The following UPF3B variants were observed in gnomAD, a reference collection of about 807,000 sequenced individuals.
UPF3B encodes UPF3B regulator of nonsense mediated mRNA decay, also known as regulator of nonsense transcripts 3B.
A neutral mutation model predicts 40.3 loss-of-function variants in UPF3B; 7 were observed. The ratio of observed to expected loss-of-function variants is 0.17; its 90% CI spans 0.10 to 0.33. The LOEUF (loss-of-function observed/expected upper bound fraction) is 0.33, where lower values mean the gene tolerates loss of function less well. Ranked by LOEUF, UPF3B falls within the 10% of genes least tolerant of loss-of-function variation. UPF3B has a pLI of 1.00. For missense variants in UPF3B, 229 were observed against 358.9 expected (o/e 0.64, Z 2.93); for synonymous variants, 117 against 117.3 (o/e 1.00, Z 0.01).
At chrX:119,827,444 AT>A in intron 3 of UPF3B, among the ~76,000 whole-genome samples, 1 of 71,632 alleles carries the variant, frequency 1.4e-5, no homozygotes, top group Non-Finnish European at 2.4e-5. Flanking sequence ...CCATATATAT[AT>A]ATTTTCGAGA....
Position 119,852,779 on chromosome X carries a change from C to G in UPF3B, c.150G>C (p.Leu50=). Residue 50 remains leucine (L), a synonymous_variant, in exon 1 of 11, where the codon CTG becomes CTC. Coordinates refer to ENST00000276201, the MANE Select transcript of UPF3B (RefSeq NM_080632.3). ...CCAGCGGCCGACCGGGCACCTTGCTCAGCGCTTCTTTCTTCTCCTTGTTGC... is the reference window on the plus strand; with the variant it reads ...CCAGCGGCCGACCGGGCACCTTGCTGAGCGCTTCTTTCTTCTCCTTGTTGC... ...QDRNKEKKEA[L]SKVVIRRLPP... is the part of the protein sequence containing the mutation. The G allele has an allele frequency of 8.2e-7, 1 of 1,212,533 alleles. No individual in the cohort carries two copies. Among genetic ancestry groups the G allele is most frequent in the Non-Finnish European group, 1.1e-6 (1 of 895,712 alleles).
chrX:119,811,545 C>T (rs183158936), intron 5 of UPF3B, among the ~76,000 whole-genome samples: 302 of 108,124 alleles, frequency 2.8e-3, no homozygotes, highest in Non-Finnish European at 4.8e-3. Flanking sequence ...ACTCGGGAGG[C>T]TGAGGCAGGA....
intron 4 of UPF3B, among the ~76,000 whole-genome samples, chrX:119,844,331 G>C (rs764275959): frequency 3.6e-5 from 4 of 111,051 alleles, no homozygotes; most frequent in African/African-American, 1.3e-4. Flanking sequence ...GATTATAGGA[G>C]TGAGCCACCG....
Position 119,811,231 on chromosome X carries a change from G to A in UPF3B, c.603-3650C>T, listed in dbSNP as rs191410437. Among the ~76,000 whole-genome samples the A allele has an allele frequency of 3.1e-3, 343 of 110,678 alleles. 3 individuals are homozygous for A. Among genetic ancestry groups the A allele is most frequent in the African/African-American group, 0.01 (317 of 30,561 alleles). ...TTTTTTTTCTATTTTTTTAGTAGAGGTGGGGTTTTGCCGTGTTGGCCAGGC... is the reference window on the plus strand; with the variant it reads ...TTTTTTTTCTATTTTTTTAGTAGAGATGGGGTTTTGCCGTGTTGGCCAGGC... On this transcript the variant is annotated intron_variant, in intron 5 of 6. Coordinates refer to the UPF3B transcript ENST00000636792.
In UPF3B at chrX:119,806,556, C is replaced by CA. The variant is rs1820606666; in HGVS notation, c.*11+918dup. On this transcript the variant is annotated intron_variant, in intron 6 of 6. Transcript: ENST00000636792. ...TTCATGCTAAGCTCATGTAAGCAAA[C>CA]AAAAAACTAAAAGTAATCCTTAAAC... 4.5e-5 allele frequency among the ~76,000 whole-genome samples: 5 copies of CA among 111,605 alleles called. No individual in the cohort carries two copies. The South Asian group carries it at 1.9e-3, about 42-fold the overall frequency.
intron 1 of UPF3B, 49 bp downstream of exon 1, chrX:119,852,724 C>G (rs1285156757): frequency 8.3e-7 from 1 of 1,209,809 alleles, no homozygotes; most frequent in Non-Finnish European, 1.1e-6. Context: ...ATCCTCCCCG[C>G]GCTGCGGACT....
rs72607661 is a variant in UPF3B, at chrX:119,835,969, T to C, written c.1303-942A>G. 7.4e-4 allele frequency among the ~76,000 whole-genome samples: 82 copies of C among 111,141 alleles called. 2 individuals carry two copies. In the East Asian group the frequency reaches 0.022, roughly 29 times the overall value. ...TCCAGCCTGGGTGACATAGCAAGAC[T>C]CTGTCTCAAAAAATAAACTAAAAAC... On this transcript the variant is annotated intron_variant, in intron 10 of 10. Coordinates refer to ENST00000276201, the MANE Select transcript of UPF3B (RefSeq NM_080632.3).
chrX:119,814,119 T>C (rs931160043), intron 5 of UPF3B, among the ~76,000 whole-genome samples: 1 of 112,191 alleles, frequency 8.9e-6, no homozygotes, highest in African/African-American at 3.2e-5. Flanking sequence ...CATACTTGAA[T>C]GCTGTTACTA....
rs1171793254 is a variant in UPF3B at position 119,834,663 on chromosome X, T to C, written c.*215A>G. ...CTTTTTCTGACACTTTAAAATTAAT[T>C]TGTAGAAATTGCAAAAGCAATGAAA... On this transcript the variant is annotated 3_prime_UTR_variant, in exon 11 of 11. Coordinates refer to ENST00000276201, the MANE Select transcript of UPF3B (RefSeq NM_080632.3). 3 of 1,072,835 alleles carry C rather than the reference T, an allele frequency of 2.8e-6. No individual in the cohort carries two copies. Among genetic ancestry groups the C allele is most frequent in the East Asian group, 6.8e-5 (2 of 29,393 alleles). The allele number at this position is 1,072,835 out of a possible 1,213,427, so 88.4% of individuals were successfully genotyped here. A position where few individuals can be genotyped will look rare whatever the true frequency, so the allele number is the denominator to read the frequency against.
At chrX:119,807,652 T>G in intron 5 of UPF3B, 1 of 529,798 alleles carries the variant, frequency 1.9e-6, no homozygotes, top group Non-Finnish European at 2.3e-6. Flanking sequence ...TCAGGTCATA[T>G]CTTATATATA....
rs2055918106 is a variant in UPF3B, at chrX:119,821,481, AGT to A, written c.494+1459_494+1460del. On this transcript the variant is annotated intron_variant, in intron 4 of 6. Coordinates refer to the UPF3B transcript ENST00000636792. ...TTTGATACTTCCAAGAGGCTAATAC[AGT>A]ATAAAAAATTTAATTTCTCAAAACT... Among the ~76,000 whole-genome samples, 3 of 112,742 alleles carry A rather than the reference AGT, an allele frequency of 2.7e-5. 1 individual carries two copies. The South Asian group carries it at 1.1e-3, about 40-fold the overall frequency.
rs2055802397 is a variant in UPF3B, at chrX:119,807,492, C to T, written c.693G>A (p.Gln231=). ...TCACTTTCCTGCTTTCTTTCTACTG[C>T]TGAATCTCCAGATTGGTGCTGCCAT... Residue 231 remains glutamine, a synonymous_variant, in exon 6 of 7, where the codon CAG becomes CAA. Coordinates refer to the UPF3B transcript ENST00000636792. 5.7e-6 allele frequency: 5 copies of T among 883,002 alleles called. No individual in the cohort carries two copies. In the South Asian group the frequency reaches 1.6e-4, roughly 29 times the overall value. 72.8% of individuals were successfully genotyped at this position (883,002 alleles called of 1,213,427 possible).
chrX:119,846,036 T>C (rs1225787701), intron 3 of UPF3B, among the ~76,000 whole-genome samples: 1 of 110,841 alleles, frequency 9.0e-6, no homozygotes, highest in Non-Finnish European at 1.9e-5. Context: ...TATACATATA[T>C]AAAATTATCA....
In UPF3B at chrX:119,852,799, T is replaced by G; in HGVS notation, c.130A>C (p.Lys44Gln). 2 of 1,212,388 alleles carry G rather than the reference T, an allele frequency of 1.6e-6. No homozygotes were observed. The highest frequency in any genetic ancestry group is 3.5e-5 in the South Asian group (2 of 57,043). Residue 44 changes from lysine (K) to glutamine (Q), a missense_variant, in exon 1 of 11, where the codon AAG becomes CAG. Transcript: ENST00000276201. ...SKGEDKQDRN[K>Q]EKKEALSKVV... ...TTGCTCAGCGCTTCTTTCTTCTCCT[T>G]GTTGCGATCCTGCTTATCTTCCCCC...
chrX:119,851,756 T>G lies in UPF3B; in HGVS notation c.263+11A>C, dbSNP rs1355805719. 1 of 920,718 alleles carries G rather than the reference T, an allele frequency of 1.1e-6. No homozygotes were observed. Among genetic ancestry groups the G allele is most frequent in the Non-Finnish European group, 1.5e-6 (1 of 684,086 alleles). 75.9% of individuals were successfully genotyped at this position (920,718 alleles called of 1,213,427 possible). A position where few individuals can be genotyped will look rare whatever the true frequency, so the allele number is the denominator to read the frequency against. On this transcript the variant is annotated intron_variant, in intron 2 of 10. Coordinates refer to ENST00000276201, the MANE Select transcript of UPF3B (RefSeq NM_080632.3). ...TTTCATTTACCCCTTTCCTTTTTTTTTTTTTTTTACCTCGTATCATTAGAA... is the reference window on the plus strand; with the variant it reads ...TTTCATTTACCCCTTTCCTTTTTTTGTTTTTTTTACCTCGTATCATTAGAA...
At chrX:119,830,502 C>T (rs918491244), downstream of UPF3B, among the ~76,000 whole-genome samples, 1 of 111,126 alleles carries the variant, frequency 9.0e-6, no homozygotes, top group Non-Finnish European at 1.9e-5. Flanking sequence ...AGAAGCTGAG[C>T]GATGTCAGAT....
At chrX:119,818,394 C>T (rs1163315353) in intron 4 of UPF3B, among the ~76,000 whole-genome samples, 3 of 111,527 alleles carry the variant, frequency 2.7e-5, no homozygotes, top group African/African-American at 3.3e-5. Context: ...CAACCTGGCC[C>T]ACGTGGTGAA....
chrX:119,833,030 C>T (rs909898913), downstream of UPF3B, among the ~76,000 whole-genome samples: 1 of 111,155 alleles, frequency 9.0e-6, no homozygotes, highest in Admixed American at 9.7e-5. Context: ...AGCTACCCCC[C>T]ACTGCCCTCA....
chrX:119,823,047 A>T, intron 3 of UPF3B: 1 of 798,647 alleles, frequency 1.3e-6, no homozygotes, highest in South Asian at 5.0e-5. Flanking sequence ...GACAGTCCTG[A>T]AGTACAATGA....
Sources: allele counts gnomAD v4.1 joint callset (sites outside exome capture counted in the v4.1 genomes callset), GRCh38; gene constraint gnomAD v4.1.1; transcripts MANE v1.5; gene names NCBI Gene and HGNC (gene_info 2026-07-23, HGNC 2026-07-21).